The following FGF14 variants were observed in gnomAD, a reference collection of about 807,000 sequenced individuals.
FGF14 encodes fibroblast growth factor 14.
A neutral mutation model predicts 25.5 loss-of-function variants in FGF14; 5 were observed. The ratio of observed to expected loss-of-function variants is 0.20; its 90% CI spans 0.10 to 0.41. FGF14 has a LOEUF of 0.41. Among genes scored for constraint, FGF14 ranks in the 10% least tolerant of loss-of-function variants. The probability of loss-of-function intolerance (pLI) is 1.00; values close to 1 mark genes in which losing one functional copy is unlikely to be tolerated. For synonymous variants in FGF14, 138 were observed against 118.3 expected (o/e 1.17, Z -1.08); for missense variants, 222 against 320.1 (o/e 0.69, Z 2.34).
intron 3 of FGF14, among the ~76,000 whole-genome samples, chr13:101,810,243 G>C (rs1053405305): frequency 6.6e-6 from 1 of 152,120 alleles, no homozygotes; most frequent in African/African-American, 2.4e-5. Context: ...TTCACCACCA[G>C]TACTCACTCA....
chr13:102,111,190 T>C (rs892932701), intron 1 of FGF14, among the ~76,000 whole-genome samples: 1 of 152,120 alleles, frequency 6.6e-6, no homozygotes, highest in African/African-American at 2.4e-5. Context: ...CCACCTCTCA[T>C]CTATACATGA....
At chr13:102,199,119 A>G (rs1456583196) in intron 1 of FGF14, among the ~76,000 whole-genome samples, 1 of 152,190 alleles carries the variant, frequency 6.6e-6, no homozygotes, top group Non-Finnish European at 1.5e-5. Context: ...TCTTAGTTTT[A>G]TTATCTTTGC....
intron 1 of FGF14, among the ~76,000 whole-genome samples, chr13:101,944,162 A>C (rs7326339): frequency 0.048 from 7,324 of 152,248 alleles, 575 homozygotes; most frequent in African/African-American, 0.17. Flanking sequence ...TTATGGCCAA[A>C]GAGGCATGAA....
In FGF14 at chr13:102,156,333, C is replaced by G. The variant is rs560877540; in HGVS notation, c.208+245138G>C. ...CACCATGATCAAGTGGGCTTCATCC[C>G]TGGGATGCAAGGCTGGTTCAACACA... is the stretch of plus-strand genomic sequence containing the variant. On this transcript the variant is annotated intron_variant, in intron 1 of 4. Transcript: ENST00000376131. 7.2e-5 allele frequency among the ~76,000 whole-genome samples: 11 copies of G among 152,288 alleles called. No individual in the cohort carries two copies. The South Asian group carries it at 2.3e-3, about 32-fold the overall frequency.
At chr13:102,364,121 G>GT (rs1461390976) in intron 1 of FGF14, among the ~76,000 whole-genome samples, 4 of 152,230 alleles carry the variant, frequency 2.6e-5, no homozygotes, top group Non-Finnish European at 5.9e-5. Context: ...GGAAGATGCC[G>GT]TAAGTGCCAC....
intron 1 of FGF14, among the ~76,000 whole-genome samples, chr13:102,320,232 A>C (rs955066764): frequency 3.3e-5 from 5 of 150,754 alleles, no homozygotes; most frequent in African/African-American, 1.2e-4. Flanking sequence ...CATGCAATTA[A>C]AGAGATTATG....
chr13:101,730,382 A>G (rs2035728652), intron 3 of FGF14, among the ~76,000 whole-genome samples: 1 of 152,204 alleles, frequency 6.6e-6, no homozygotes, highest in African/African-American at 2.4e-5. Flanking sequence ...GGGGAGAAAT[A>G]ATATCAGGAT....
intron 3 of FGF14, among the ~76,000 whole-genome samples, chr13:101,734,104 A>C (rs185904959): frequency 8.5e-5 from 13 of 152,182 alleles, no homozygotes; most frequent in Non-Finnish European, 1.6e-4. Context: ...CATCACCTGG[A>C]AGCTTGTTAG....
intron 1 of FGF14, among the ~76,000 whole-genome samples, chr13:102,051,343 T>C (rs2042208394): frequency 6.6e-6 from 1 of 152,186 alleles, no homozygotes; most frequent in Admixed American, 6.5e-5. Context: ...GGGGAGTGCC[T>C]GTACCCTGAG....
chr13:101,972,627 CAATCTTATTGAT>C (rs1566516161), intron 1 of FGF14, among the ~76,000 whole-genome samples: 3 of 152,088 alleles, frequency 2.0e-5, no homozygotes, highest in Non-Finnish European at 4.4e-5. Context: ...TGACTCATTT[CAATCTTATTGAT>C]AAATTCTTTC....
At chr13:102,015,324 G>C (rs982441307) in intron 1 of FGF14, among the ~76,000 whole-genome samples, 1 of 152,240 alleles carries the variant, frequency 6.6e-6, no homozygotes, top group Admixed American at 6.5e-5. Flanking sequence ...ATCACCAAAG[G>C]AATATATATT....
chr13:101,972,820 T>C (rs1327253855), intron 1 of FGF14, among the ~76,000 whole-genome samples: 1 of 152,242 alleles, frequency 6.6e-6, no homozygotes, highest in African/African-American at 2.4e-5. Flanking sequence ...AAAGTTGTAT[T>C]TTATTTTACT....
intron 1 of FGF14, among the ~76,000 whole-genome samples, chr13:102,208,479 A>T (rs988182237): frequency 6.6e-6 from 1 of 152,210 alleles, no homozygotes. Context: ...TGTGAATATC[A>T]TAAATACCAT....
chr13:101,853,041 T>A (rs1444758684), intron 3 of FGF14, among the ~76,000 whole-genome samples: 1 of 152,046 alleles, frequency 6.6e-6, no homozygotes, highest in African/African-American at 2.4e-5. Flanking sequence ...TTTAGAATAT[T>A]AAGGACTTAG....
chr13:101,866,682 C>T (rs1032346628), intron 3 of FGF14, among the ~76,000 whole-genome samples: 1 of 152,086 alleles, frequency 6.6e-6, no homozygotes, highest in Non-Finnish European at 1.5e-5. Flanking sequence ...GGAATAAATA[C>T]TTGCAGATAA....
intron 1 of FGF14, among the ~76,000 whole-genome samples, chr13:101,944,684 C>A (rs926952674): frequency 6.6e-6 from 1 of 152,102 alleles, no homozygotes; most frequent in African/African-American, 2.4e-5. Flanking sequence ...TATACACAGG[C>A]AAATCAATAT....
At chr13:102,028,587 CT>C (rs1488571240) in intron 1 of FGF14, among the ~76,000 whole-genome samples, 2 of 152,042 alleles carry the variant, frequency 1.3e-5, no homozygotes, top group African/African-American at 4.8e-5. Flanking sequence ...GATGCTTACA[CT>C]TCTATAGACA....
intron 3 of FGF14, among the ~76,000 whole-genome samples, chr13:101,778,207 T>C (rs1407815383): frequency 1.3e-5 from 2 of 152,192 alleles, no homozygotes; most frequent in Non-Finnish European, 2.9e-5. Flanking sequence ...TATACTAGCT[T>C]AGTGCTCAAT....
Position 102,253,987 on chromosome 13 carries a change from T to C in FGF14, c.208+147484A>G, listed in dbSNP as rs1023799481. Among the ~76,000 whole-genome samples, 4 of 152,310 alleles carry C rather than the reference T, an allele frequency of 2.6e-5. 1 individual carries two copies. On this transcript the variant is annotated intron_variant, in intron 1 of 4. Transcript: ENST00000376131. ...ATGAAGATTTTATTCCCTCACCTCATGTGATTTTGAACTAATACAGGTCAA... is the reference window on the plus strand; with the variant it reads ...ATGAAGATTTTATTCCCTCACCTCACGTGATTTTGAACTAATACAGGTCAA...
Sources: gnomAD v4.1 joint callset for allele counts (sites outside exome capture counted in the v4.1 genomes callset) on GRCh38, gnomAD v4.1.1 for gene constraint, MANE v1.5 for transcripts, NCBI Gene and HGNC (gene_info 2026-07-23, HGNC 2026-07-21) for gene names.